The following RAP1GDS1 variants were observed in gnomAD, a reference collection of about 807,000 sequenced individuals.
RAP1GDS1 encodes Rap1 GTPase-GDP dissociation stimulator 1.
In RAP1GDS1, 35 loss-of-function variants were observed where a neutral mutation model predicts 71.1. The observed-to-expected ratio is 0.49, with a 90% confidence interval of 0.38 to 0.65. The LOEUF is 0.65. RAP1GDS1 is among the 30% of genes least tolerant of loss of function. RAP1GDS1 has a pLI of 0.00. For synonymous variants in RAP1GDS1, 229 were observed against 243.1 expected, an observed-to-expected ratio of 0.94 and a Z score of 0.54; for missense variants, 663 against 706.1, an observed-to-expected ratio of 0.94 and a Z score of 0.69.
chr4:98,401,632 C>G (rs1745422557), intron 6 of RAP1GDS1, among the ~76,000 whole-genome samples: 1 of 151,962 alleles, frequency 6.6e-6, no homozygotes, highest in South Asian at 2.1e-4. Flanking sequence ...AAAATAAAAC[C>G]TTAGTAAATG....
intron 4 of RAP1GDS1, among the ~76,000 whole-genome samples, chr4:98,368,993 A>G (rs962765841): frequency 2.6e-5 from 4 of 152,222 alleles, no homozygotes; most frequent in Non-Finnish European, 5.9e-5. Context: ...ATGGACTCAC[A>G]GTTTCACATG....
intron 1 of RAP1GDS1, among the ~76,000 whole-genome samples, chr4:98,268,193 C>T (rs888122122): frequency 1.3e-5 from 2 of 152,074 alleles, no homozygotes; most frequent in South Asian, 2.1e-4. Context: ...TGATACACCA[C>T]GTTAACAGAA....
intron 12 of RAP1GDS1, among the ~76,000 whole-genome samples, chr4:98,422,420 G>C (rs1374952709): frequency 2.0e-5 from 3 of 151,942 alleles, no homozygotes; most frequent in African/African-American, 7.2e-5. Flanking sequence ...GTTTCACCAT[G>C]TTGGCCAGGC....
Position 98,401,303 on chromosome 4 carries a change from T to C in RAP1GDS1, c.638-3174T>C, listed in dbSNP as rs557903019. 1.1e-3 allele frequency among the ~76,000 whole-genome samples: 174 copies of C among 152,174 alleles called. 1 individual carries two copies. The South Asian group carries it at 0.018, about 16-fold the overall frequency. ...GCTAAGCAAATGAGGAAAACATTATTCCAGGAAAAATGAATTAGTGTATTA... is the reference window on the plus strand; with the variant it reads ...GCTAAGCAAATGAGGAAAACATTATCCCAGGAAAAATGAATTAGTGTATTA... On this transcript the variant is annotated intron_variant, in intron 6 of 14. Transcript: ENST00000408927.
intron 11 of RAP1GDS1, among the ~76,000 whole-genome samples, chr4:98,421,027 T>C (rs1347491111): frequency 6.6e-6 from 1 of 152,230 alleles, no homozygotes; most frequent in Admixed American, 6.5e-5. Context: ...CTAGCAGGCT[T>C]AACCAAAAGA....
At chr4:98,303,139 G>A (rs1185799723) in intron 2 of RAP1GDS1, among the ~76,000 whole-genome samples, 2 of 151,886 alleles carry the variant, frequency 1.3e-5, no homozygotes, top group Non-Finnish European at 2.9e-5. Context: ...GTATTTTCAG[G>A]TAACTGAAGG....
intron 2 of RAP1GDS1, among the ~76,000 whole-genome samples, chr4:98,304,476 T>G (rs1202643808): frequency 2.0e-5 from 3 of 152,226 alleles, no homozygotes; most frequent in Non-Finnish European, 4.4e-5. Context: ...TCCTGTTTGT[T>G]GGCCGCATAA....
chr4:98,261,673 T>G, intron 1 of RAP1GDS1, 104 bp downstream of exon 1: 1 of 1,382,242 alleles, frequency 7.2e-7, no homozygotes, highest in East Asian at 2.7e-5. Flanking sequence ...ATTTCTCCAG[T>G]CCCCGGGTGT....
intron 4 of RAP1GDS1, among the ~76,000 whole-genome samples, chr4:98,377,881 C>G (rs1056074826): frequency 2.0e-5 from 3 of 151,778 alleles, no homozygotes; most frequent in African/African-American, 7.2e-5. Flanking sequence ...AATTTAGCTA[C>G]TGAGCAATTT....
intron 6 of RAP1GDS1, among the ~76,000 whole-genome samples, chr4:98,394,358 T>G (rs1402713998): frequency 6.6e-6 from 1 of 152,172 alleles, no homozygotes; most frequent in Non-Finnish European, 1.5e-5. Flanking sequence ...TATTACCGCC[T>G]CTTATGAAAA....
intron 4 of RAP1GDS1, among the ~76,000 whole-genome samples, chr4:98,375,597 T>C (rs1375703927): frequency 3.9e-5 from 6 of 152,214 alleles, no homozygotes; most frequent in Non-Finnish European, 8.8e-5. Context: ...TGATACTTGC[T>C]TCCTTTTCAA....
rs545529125 is a variant in RAP1GDS1 at position 98,335,043 on chromosome 4, G to C, written c.113-8096G>C. Among the ~76,000 whole-genome samples the C allele has an allele frequency of 3.3e-5, 5 of 151,924 alleles. No homozygotes were observed. The East Asian group carries it at 9.7e-4, about 29-fold the overall frequency. On this transcript the variant is annotated intron_variant, in intron 2 of 14. Transcript: ENST00000408927. ...ACTGTTTGAGCTCTGGATTTTCCTC[G>C]ATATACTTGGTCCATCAGTTAAAAA...
rs140468302 is a variant in RAP1GDS1 at position 98,334,284 on chromosome 4, T to C, written c.113-8855T>C. On this transcript the variant is annotated intron_variant, in intron 2 of 14. Coordinates refer to ENST00000408927, the MANE Select transcript of RAP1GDS1 (RefSeq NM_001100427.2). ...ACACACAAAAATTTTGGGGTAAAAC[T>C]GTTTCTATAGCAGTTTAAAAAAACA... is the stretch of plus-strand genomic sequence containing the variant. Among the ~76,000 whole-genome samples the C allele has an allele frequency of 1.1e-3, 162 of 152,088 alleles. 1 individual carries two copies. Among genetic ancestry groups the C allele is most frequent in the African/African-American group, 3.8e-3 (157 of 41,530 alleles).
At chr4:98,398,206 G>A (rs970271888) in intron 6 of RAP1GDS1, among the ~76,000 whole-genome samples, 1 of 148,780 alleles carries the variant, frequency 6.7e-6, no homozygotes, top group South Asian at 2.1e-4. Flanking sequence ...AAAAATTGGA[G>A]AAATAGTTGT....
chr4:98,416,820 G>T lies in RAP1GDS1; in HGVS notation c.839G>T (p.Ser280Ile), dbSNP rs1206938800. The change falls in exon 8 of 15, where the codon AGT becomes ATT. Residue 280 changes from serine to isoleucine, a missense_variant. Transcript: ENST00000408927. ...GAGATTGTTCAGCAAAAAGTGGATAGTGACAAAGAAGATGATATTACTGAG... is the reference window on the plus strand; with the variant it reads ...GAGATTGTTCAGCAAAAAGTGGATATTGACAAAGAAGATGATATTACTGAG... ...LLEIVQQKVD[S>I]DKEDDITELK... 3.7e-6 allele frequency: 6 copies of T among 1,613,730 alleles called. No individual in the cohort carries two copies. The African/African-American group carries it at 4.0e-5, about 11-fold the overall frequency.
chr4:98,299,037 C>T (rs1402360851), intron 2 of RAP1GDS1, among the ~76,000 whole-genome samples: 1 of 152,126 alleles, frequency 6.6e-6, no homozygotes, highest in Non-Finnish European at 1.5e-5. Context: ...AGGTATTTCT[C>T]CTAATGCTAT....
At chr4:98,281,374 A>G (rs1036588033) in intron 1 of RAP1GDS1, among the ~76,000 whole-genome samples, 21 of 151,878 alleles carry the variant, frequency 1.4e-4, no homozygotes, top group East Asian at 7.7e-4. Flanking sequence ...CTTTGAAGCA[A>G]TTGTGAATGG....
At chr4:98,355,837 C>T (rs1161112027) in intron 4 of RAP1GDS1, among the ~76,000 whole-genome samples, 9 of 152,082 alleles carry the variant, frequency 5.9e-5, no homozygotes, top group East Asian at 1.9e-4. Context: ...ACTGGCATAC[C>T]GCTAAATGGG....
chr4:98,413,597 A>G (rs1414615323), intron 7 of RAP1GDS1, among the ~76,000 whole-genome samples: 2 of 151,084 alleles, frequency 1.3e-5, no homozygotes, highest in Non-Finnish European at 3.0e-5. Flanking sequence ...TATGTGCCAC[A>G]TTTTCTTAAT....
Sources: gnomAD v4.1 joint callset for allele counts (sites outside exome capture counted in the v4.1 genomes callset) on GRCh38, gnomAD v4.1.1 for gene constraint, MANE v1.5 for transcripts, NCBI Gene and HGNC (gene_info 2026-07-23, HGNC 2026-07-21) for gene names.